IMMP2L: variants seen among roughly 807,000 people sequenced by gnomAD.
The protein encoded by IMMP2L is inner mitochondrial membrane peptidase subunit 2, also known as mitochondrial inner membrane protease subunit 2.
In IMMP2L, 18 loss-of-function variants were observed where a neutral mutation model predicts 19.3. That is an observed-to-expected ratio of 0.93 (90% confidence interval 0.64 to 1.38). The LOEUF (loss-of-function observed/expected upper bound fraction) is 1.38. Ranked by LOEUF, IMMP2L falls within the 40% of genes most tolerant of loss-of-function variation. The pLI is 0.00. For synonymous variants in IMMP2L, 76 were observed against 73.0 expected, an observed-to-expected ratio of 1.04 and a Z score of -0.21; for missense variants, 233 against 218.2, an observed-to-expected ratio of 1.07 and a Z score of -0.43.
chr7:110,706,421 G>A (rs1794684870), intron 5 of IMMP2L, among the ~76,000 whole-genome samples: 1 of 152,286 alleles, frequency 6.6e-6, no homozygotes, highest in East Asian at 1.9e-4. Flanking sequence ...TAAGTTCTTT[G>A]AGAAATATCC....
intron 3 of IMMP2L, among the ~76,000 whole-genome samples, chr7:111,469,392 G>A (rs1346097380): frequency 6.6e-6 from 1 of 152,052 alleles, no homozygotes; most frequent in African/African-American, 2.4e-5. Flanking sequence ...CATGAGCATG[G>A]AATGTTCTTC....
chr7:110,748,526 G>T (rs184530933), intron 5 of IMMP2L, among the ~76,000 whole-genome samples: 67 of 152,224 alleles, frequency 4.4e-4, no homozygotes, highest in African/African-American at 1.5e-3. Context: ...AACAAAAACA[G>T]CATGGTACTG....
At chr7:110,885,270 C>T in intron 5 of IMMP2L, among the ~76,000 whole-genome samples, 1 of 151,788 alleles carries the variant, frequency 6.6e-6, no homozygotes, top group Non-Finnish European at 1.5e-5. Flanking sequence ...ATGAACATTT[C>T]CTTTGAGCAT....
intron 2 of IMMP2L, among the ~76,000 whole-genome samples, chr7:111,499,587 CAGAA>C (rs1843949493): frequency 1.3e-5 from 2 of 152,164 alleles, no homozygotes; most frequent in South Asian, 2.1e-4. Context: ...AATGGAAAGA[CAGAA>C]AGAAGATAAC....
intron 5 of IMMP2L, among the ~76,000 whole-genome samples, chr7:110,818,629 G>T (rs990397088): frequency 5.9e-5 from 9 of 151,986 alleles, no homozygotes; most frequent in Non-Finnish European, 1.2e-4. Flanking sequence ...TACCCAAAGG[G>T]TTATAATCAT....
At chr7:111,057,165 C>T (rs1022866803) in intron 3 of IMMP2L, among the ~76,000 whole-genome samples, 1 of 152,106 alleles carries the variant, frequency 6.6e-6, no homozygotes, top group Non-Finnish European at 1.5e-5. Context: ...GAATCATACT[C>T]TCTCCTTCTC....
At chr7:110,981,015 A>G (rs1426632133) in intron 3 of IMMP2L, among the ~76,000 whole-genome samples, 2 of 152,214 alleles carry the variant, frequency 1.3e-5, no homozygotes, top group Non-Finnish European at 2.9e-5. Flanking sequence ...AATCTTCCAA[A>G]AAGAGACCTC....
chr7:111,380,229 T>C (rs578201527), intron 3 of IMMP2L, among the ~76,000 whole-genome samples: 1 of 152,074 alleles, frequency 6.6e-6, no homozygotes, highest in South Asian at 2.1e-4. Flanking sequence ...ATGAGAGTTT[T>C]TAAACATTTA....
At chr7:110,898,807 G>GTT (rs1030654881) in intron 4 of IMMP2L, among the ~76,000 whole-genome samples, 18 of 127,604 alleles carry the variant, frequency 1.4e-4, no homozygotes, top group Non-Finnish European at 1.7e-4. Context: ...TCCTGAGTTT[G>GTT]TTTTTTTTTT....
Position 110,826,214 on chromosome 7 carries a change from C to T in IMMP2L, c.408+60379G>A, listed in dbSNP as rs572139092. Among the ~76,000 whole-genome samples the T allele has an allele frequency of 1.3e-3, 195 of 152,202 alleles. 2 individuals carry two copies. The highest frequency in any genetic ancestry group is 3.8e-3 in the African/African-American group (158 of 41,542). On this transcript the variant is annotated intron_variant, in intron 5 of 5. Coordinates refer to ENST00000405709, the MANE Select transcript of IMMP2L (RefSeq NM_032549.4). ...AGCTGCTGGAGAGGATGTGGAGAAA[C>T]AGGAACACTTTTACACTGTTGGTGG...
intron 3 of IMMP2L, among the ~76,000 whole-genome samples, chr7:111,350,486 G>T (rs1175107504): frequency 3.3e-5 from 5 of 151,916 alleles, no homozygotes. Context: ...TACACAGTAG[G>T]TGTTCAACAC....
At chr7:111,528,842 C>A (rs901044055) in intron 1 of IMMP2L, among the ~76,000 whole-genome samples, 1 of 152,062 alleles carries the variant, frequency 6.6e-6, no homozygotes, top group African/African-American at 2.4e-5. Flanking sequence ...TCATCATAAG[C>A]CTACACAAAA....
intron 5 of IMMP2L, among the ~76,000 whole-genome samples, chr7:110,745,281 G>A (rs1797258184): frequency 6.6e-6 from 1 of 152,202 alleles, no homozygotes; most frequent in South Asian, 2.1e-4. Flanking sequence ...TTTGATTGGT[G>A]TACCTGAAAG....
At chr7:110,959,001 C>T (rs1818655769) in intron 4 of IMMP2L, among the ~76,000 whole-genome samples, 1 of 151,962 alleles carries the variant, frequency 6.6e-6, no homozygotes, top group South Asian at 2.1e-4. Context: ...CCCTTAAGTG[C>T]TCTTTAAGCT....
chr7:111,238,261 C>A (rs767003739), intron 3 of IMMP2L, among the ~76,000 whole-genome samples: 1 of 151,960 alleles, frequency 6.6e-6, no homozygotes, highest in Non-Finnish European at 1.5e-5. Flanking sequence ...TGATGTATTA[C>A]AGGGTAGAGA....
chr7:110,900,725 G>A (rs1238769456), intron 4 of IMMP2L, among the ~76,000 whole-genome samples: 3 of 152,190 alleles, frequency 2.0e-5, no homozygotes, highest in African/African-American at 7.2e-5. Context: ...ATGTTGAGTA[G>A]TATCGCTGGC....
intron 5 of IMMP2L, among the ~76,000 whole-genome samples, chr7:110,838,770 A>G (rs1180261417): frequency 6.6e-6 from 1 of 152,142 alleles, no homozygotes; most frequent in Non-Finnish European, 1.5e-5. Flanking sequence ...AAAACAAACT[A>G]ATAAACAGGT....
At chr7:110,845,036 AAGT>A (rs1805535711) in intron 5 of IMMP2L, among the ~76,000 whole-genome samples, 1 of 152,126 alleles carries the variant, frequency 6.6e-6, no homozygotes, top group Non-Finnish European at 1.5e-5. Flanking sequence ...AAGATTTAAA[AAGT>A]AGCATGTGTC....
intron 3 of IMMP2L, among the ~76,000 whole-genome samples, chr7:111,485,132 G>A (rs1466799010): frequency 6.6e-6 from 1 of 152,040 alleles, no homozygotes; most frequent in African/African-American, 2.4e-5. Flanking sequence ...TTTAGCATCA[G>A]ATTTTTTGTT....
Sources: allele counts gnomAD v4.1 joint callset (sites outside exome capture counted in the v4.1 genomes callset), GRCh38; gene constraint gnomAD v4.1.1; transcripts MANE v1.5; gene names NCBI Gene and HGNC (gene_info 2026-07-23, HGNC 2026-07-21).